MYOZ2: variants seen among roughly 807,000 people sequenced by gnomAD.
MYOZ2 encodes the protein myozenin-2.
A neutral mutation model predicts 25.4 loss-of-function variants in MYOZ2; 19 were observed. The ratio of observed to expected loss-of-function variants is 0.75; its 90% CI spans 0.52 to 1.10. The LOEUF is 1.10. Among genes scored for constraint, MYOZ2 ranks in the 50% least tolerant of loss-of-function variants. The pLI is 0.00. For synonymous variants in MYOZ2, 92 were observed against 106.9 expected (o/e 0.86, Z 0.86); for missense variants, 270 against 317.9 (o/e 0.85, Z 1.15).
chr4:119,141,544 G>T (rs915746588), intron 2 of MYOZ2, among the ~76,000 whole-genome samples: 2 of 152,152 alleles, frequency 1.3e-5, no homozygotes, highest in South Asian at 2.1e-4. Flanking sequence ...CACTACGCTT[G>T]GCTAATTTTT....
chr4:119,174,702 CAA>C (rs2149228135), intron 5 of MYOZ2, among the ~76,000 whole-genome samples: 2 of 152,252 alleles, frequency 1.3e-5, no homozygotes, highest in Admixed American at 6.5e-5. Flanking sequence ...TGGGGCCAGA[CAA>C]GAGAATAAAA....
intron 3 of MYOZ2, among the ~76,000 whole-genome samples, chr4:119,153,784 C>T (rs1161378357): frequency 6.6e-6 from 1 of 152,042 alleles, no homozygotes; most frequent in Non-Finnish European, 1.5e-5. Flanking sequence ...CTGGCAAATT[C>T]AAGCTACATA....
At chr4:119,151,722 T>G (rs1741453896) in intron 3 of MYOZ2, among the ~76,000 whole-genome samples, 1 of 152,150 alleles carries the variant, frequency 6.6e-6, no homozygotes, top group Non-Finnish European at 1.5e-5. Context: ...GGAAAATGGC[T>G]TTAAAATTCA....
intron 2 of MYOZ2, among the ~76,000 whole-genome samples, chr4:119,146,908 T>C (rs1741313394): frequency 6.6e-6 from 1 of 152,212 alleles, no homozygotes; most frequent in Non-Finnish European, 1.5e-5. Context: ...TTTTGGTGCA[T>C]GTACATTTGG....
intron 5 of MYOZ2, among the ~76,000 whole-genome samples, chr4:119,174,105 C>A (rs11098492): frequency 0.34 from 52,139 of 152,148 alleles, 10,329 homozygotes; most frequent in East Asian, 0.52. Context: ...TGAGCCTCCC[C>A]GACGAGTGCC....
chr4:119,177,600 A>G (rs886562816), intron 5 of MYOZ2, among the ~76,000 whole-genome samples: 1 of 152,142 alleles, frequency 6.6e-6, no homozygotes, highest in African/African-American at 2.4e-5. Context: ...AAAAAAGTGG[A>G]AGCAAATTGG....
At chr4:119,139,682 G>A (rs1741117844) in intron 2 of MYOZ2, among the ~76,000 whole-genome samples, 1 of 152,088 alleles carries the variant, frequency 6.6e-6, no homozygotes, top group African/African-American at 2.4e-5. Context: ...CTGGGGGAAA[G>A]GAATTGGAAT....
At chr4:119,176,011 C>T (rs1274853221) in intron 5 of MYOZ2, among the ~76,000 whole-genome samples, 1 of 152,220 alleles carries the variant, frequency 6.6e-6, no homozygotes, top group Admixed American at 6.5e-5. Flanking sequence ...GTGTTTTTTA[C>T]CCTAGGCTCC....
At chr4:119,167,981 G>C (rs1741860705) in intron 5 of MYOZ2, among the ~76,000 whole-genome samples, 1 of 152,174 alleles carries the variant, frequency 6.6e-6, no homozygotes, top group African/African-American at 2.4e-5. Context: ...GTTTTGTTTT[G>C]TTTTGTTTTG....
In MYOZ2 at chr4:119,163,924, G is replaced by A. The variant is rs879425606; in HGVS notation, c.377-287G>A. On this transcript the variant is annotated intron_variant, in intron 4 of 5. Coordinates refer to ENST00000307128, the MANE Select transcript of MYOZ2 (RefSeq NM_016599.5). Reference sequence around the variant, plus strand: ...GAGCACAATTTTTAGAAAACTAAATGAACAGTTTTACTGGAAAAATATATA... The same window carrying A: ...GAGCACAATTTTTAGAAAACTAAATAAACAGTTTTACTGGAAAAATATATA... Among the ~76,000 whole-genome samples, 42 of 152,162 alleles carry A rather than the reference G, an allele frequency of 2.8e-4. No homozygotes were observed. In the Middle Eastern group the frequency reaches 0.01, roughly 37 times the overall value.
chr4:119,170,723 T>C (rs1741929597), intron 5 of MYOZ2, among the ~76,000 whole-genome samples: 1 of 152,012 alleles, frequency 6.6e-6, no homozygotes, highest in African/African-American at 2.4e-5. Flanking sequence ...ATGTGTATGG[T>C]TGGAGCCTCA....
intron 3 of MYOZ2, among the ~76,000 whole-genome samples, chr4:119,153,650 T>C (rs1401824289): frequency 2.0e-5 from 3 of 152,146 alleles, no homozygotes; most frequent in Non-Finnish European, 4.4e-5. Context: ...TAGTATAATG[T>C]TGAAGACCTC....
intron 2 of MYOZ2, among the ~76,000 whole-genome samples, chr4:119,138,181 T>C (rs1741075953): frequency 6.6e-6 from 1 of 152,184 alleles, no homozygotes; most frequent in Non-Finnish European, 1.5e-5. Flanking sequence ...TCACCACCAG[T>C]AAATCCTAGC....
chr4:119,157,984 T>G (rs1045223059), intron 3 of MYOZ2, 38 bp from the exon 4 acceptor site: 1 of 1,612,248 alleles, frequency 6.2e-7, no homozygotes, highest in Non-Finnish European at 8.5e-7. Context: ...GCTTACATTT[T>G]TGAGTTTTCA....
chr4:119,184,652 G>T (rs1742256178), intron 5 of MYOZ2, among the ~76,000 whole-genome samples: 1 of 152,210 alleles, frequency 6.6e-6, no homozygotes, highest in South Asian at 2.1e-4. Context: ...CTAAGACTTT[G>T]ATTATACTGC....
chr4:119,186,736 G>A lies in MYOZ2; in HGVS notation c.*536G>A, dbSNP rs1742301557. On this transcript the variant is annotated 3_prime_UTR_variant, in exon 6 of 6. Transcript: ENST00000307128. ...TTAGTCACTCTTAGAATTCTAAAGT[G>A]CTTTGCACTTTTCAATATGTTTTGA... The A allele has an allele frequency of 6.5e-6, 1 of 153,598 alleles. No individual in the cohort carries two copies. The highest frequency in any genetic ancestry group is 2.4e-5 in the African/African-American group (1 of 41,458). 9.5% of individuals were successfully genotyped at this position (153,598 alleles called of 1,614,324 possible).
intron 2 of MYOZ2, among the ~76,000 whole-genome samples, chr4:119,140,274 A>G (rs1741133245): frequency 6.6e-6 from 1 of 152,238 alleles, no homozygotes; most frequent in Non-Finnish European, 1.5e-5. Flanking sequence ...GAAAGATTAC[A>G]TGAAGACCGC....
chr4:119,178,563 C>A (rs1742125229), intron 5 of MYOZ2, among the ~76,000 whole-genome samples: 1 of 152,126 alleles, frequency 6.6e-6, no homozygotes, highest in Non-Finnish European at 1.5e-5. Flanking sequence ...TCCATTTTCA[C>A]CTTATACTCT....
chr4:119,156,469 C>T (rs1021917790), intron 3 of MYOZ2, among the ~76,000 whole-genome samples: 1 of 151,944 alleles, frequency 6.6e-6, no homozygotes, highest in African/African-American at 2.4e-5. Flanking sequence ...AAAGTGTGAA[C>T]ATGATGATGA....
Sources: allele counts gnomAD v4.1 joint callset (sites outside exome capture counted in the v4.1 genomes callset), GRCh38; gene constraint gnomAD v4.1.1; transcripts MANE v1.5; gene names NCBI Gene and HGNC (gene_info 2026-07-23, HGNC 2026-07-21).